SKAP1: variants seen among roughly 807,000 people sequenced by gnomAD.
SKAP1 encodes src kinase associated phosphoprotein 1.
A neutral mutation model predicts 58.5 loss-of-function variants in SKAP1; 44 were observed. The ratio of observed to expected loss-of-function variants is 0.75; its 90% CI spans 0.59 to 0.97. The LOEUF is 0.97. SKAP1 is among the 50% of genes least tolerant of loss of function. The pLI is 0.00. For missense variants in SKAP1, 390 were observed against 435.2 expected (o/e 0.90, Z 0.92); for synonymous variants, 127 against 149.7 (o/e 0.85, Z 1.11).
rs528023477 is a variant in SKAP1, at chr17:48,176,023, T to C, written c.826+4031A>G. Among the ~76,000 whole-genome samples, 7 of 152,250 alleles carry C rather than the reference T, an allele frequency of 4.6e-5. No homozygotes were observed. In the South Asian group the frequency reaches 1.5e-3, roughly 32 times the overall value. ...TCCTTAGACTTCTTATCTTCACTGT[T>C]CCCCCTTCCTGTGGGTCTGAACAAC... On this transcript the variant is annotated intron_variant, in intron 9 of 12. Coordinates refer to ENST00000336915, the MANE Select transcript of SKAP1 (RefSeq NM_003726.4).
intron 11 of SKAP1, among the ~76,000 whole-genome samples, chr17:48,160,717 C>T (rs903639626): frequency 6.6e-6 from 1 of 152,206 alleles, no homozygotes; most frequent in African/African-American, 2.4e-5. Context: ...TGTTCTTCCC[C>T]CCTCCTGCTG....
chr17:48,148,743 G>T (rs1005077779), intron 11 of SKAP1, among the ~76,000 whole-genome samples: 2 of 152,146 alleles, frequency 1.3e-5, no homozygotes, highest in Admixed American at 6.5e-5. Flanking sequence ...TGGGGAGGGG[G>T]TGTTGGGGGA....
At chr17:48,305,925 C>T (rs1360482194) in intron 4 of SKAP1, among the ~76,000 whole-genome samples, 1 of 152,030 alleles carries the variant, frequency 6.6e-6, no homozygotes, top group African/African-American at 2.4e-5. Context: ...TTTAAACTAC[C>T]TCATGGGCTC....
At chr17:48,411,241 A>G (rs772424267) in intron 1 of SKAP1, among the ~76,000 whole-genome samples, 3 of 151,912 alleles carry the variant, frequency 2.0e-5, no homozygotes, top group East Asian at 3.9e-4. Flanking sequence ...CTCTACCAAA[A>G]ATACAAAAAT....
In SKAP1 at chr17:48,143,110, C is replaced by T. The variant is rs989555727; in HGVS notation, c.979-5773G>A. 4.0e-5 allele frequency among the ~76,000 whole-genome samples: 6 copies of T among 151,178 alleles called. No individual in the cohort carries two copies. The South Asian group carries it at 8.4e-4, about 21-fold the overall frequency. Reference sequence around the variant, plus strand: ...GAGCCACTGTGCCTGACCCACCACACCTCATTTCCTCCCTCTCCCAGGCCA... The same window carrying T: ...GAGCCACTGTGCCTGACCCACCACATCTCATTTCCTCCCTCTCCCAGGCCA... On this transcript the variant is annotated intron_variant, in intron 11 of 12. Coordinates refer to ENST00000336915, the MANE Select transcript of SKAP1 (RefSeq NM_003726.4).
At chr17:48,288,534 A>G (rs1015166156) in intron 4 of SKAP1, among the ~76,000 whole-genome samples, 12 of 152,156 alleles carry the variant, frequency 7.9e-5, no homozygotes, top group Admixed American at 3.9e-4. Context: ...AAAAACACAA[A>G]AATTAGCCGG....
intron 4 of SKAP1, among the ~76,000 whole-genome samples, chr17:48,231,545 TA>T (rs11408797): frequency 1.3e-5 from 2 of 149,136 alleles, no homozygotes. Flanking sequence ...AATGAGTTAA[TA>T]AAAAAAAAAG....
intron 4 of SKAP1, chr17:48,344,183 A>T (rs914889527): frequency 3.2e-5 from 11 of 343,828 alleles, no homozygotes; most frequent in African/African-American, 1.3e-4. Context: ...ACTGCTATTT[A>T]AAAAAAATTA....
intron 4 of SKAP1, among the ~76,000 whole-genome samples, chr17:48,287,256 A>G (rs1273875577): frequency 2.0e-5 from 3 of 152,110 alleles, no homozygotes; most frequent in Non-Finnish European, 4.4e-5. Context: ...TTCATTACCT[A>G]TAGTCAGCAA....
At chr17:48,144,317 C>T (rs745495668) in intron 11 of SKAP1, among the ~76,000 whole-genome samples, 2 of 152,142 alleles carry the variant, frequency 1.3e-5, no homozygotes, top group Non-Finnish European at 2.9e-5. Flanking sequence ...ACCTTCTCTC[C>T]CACTACCACC....
intron 1 of SKAP1, among the ~76,000 whole-genome samples, chr17:48,405,435 T>C (rs1323057961): frequency 1.2e-5 from 1 of 85,336 alleles, no homozygotes; most frequent in Non-Finnish European, 2.4e-5. Context: ...CTTTCTTTCT[T>C]TCTTTCTTTC....
At chr17:48,317,391 G>A (rs990608868) in intron 4 of SKAP1, among the ~76,000 whole-genome samples, 8 of 151,976 alleles carry the variant, frequency 5.3e-5, no homozygotes, top group East Asian at 1.9e-4. Flanking sequence ...GGCATTAAAC[G>A]TTTTAAAAAT....
At chr17:48,276,731 G>A (rs916592657) in intron 4 of SKAP1, among the ~76,000 whole-genome samples, 4 of 152,202 alleles carry the variant, frequency 2.6e-5, no homozygotes, top group Non-Finnish European at 5.9e-5. Context: ...AGGAAGCAGA[G>A]TGTAATGTTC....
intron 2 of SKAP1, among the ~76,000 whole-genome samples, chr17:48,388,297 G>A (rs984442877): frequency 6.6e-6 from 1 of 152,026 alleles, no homozygotes; most frequent in Non-Finnish European, 1.5e-5. Context: ...AGCCGGGCAT[G>A]GTGGCATGTG....
At chr17:48,227,383 G>C (rs2065081949) in intron 4 of SKAP1, among the ~76,000 whole-genome samples, 1 of 152,132 alleles carries the variant, frequency 6.6e-6, no homozygotes, top group South Asian at 2.1e-4. Flanking sequence ...TGAGTTCATG[G>C]CTCCTTCTCT....
chr17:48,148,632 C>A (rs116965561), intron 11 of SKAP1, among the ~76,000 whole-genome samples: 486 of 152,270 alleles, frequency 3.2e-3, no homozygotes, highest in Non-Finnish European at 5.1e-3. Context: ...CTGAGAGAGG[C>A]GCCTTGAATC....
intron 11 of SKAP1, among the ~76,000 whole-genome samples, chr17:48,161,941 TTTTTA>T (rs2064075531): frequency 6.6e-6 from 1 of 152,030 alleles, no homozygotes; most frequent in Non-Finnish European, 1.5e-5. Context: ...TTTATTGCAT[TTTTTA>T]TTTTATTATT....
At chr17:48,291,303 G>A (rs1438987724) in intron 4 of SKAP1, among the ~76,000 whole-genome samples, 1 of 151,916 alleles carries the variant, frequency 6.6e-6, no homozygotes, top group Non-Finnish European at 1.5e-5. Flanking sequence ...GAATTTTGGG[G>A]CCACTGGTGC....
intron 3 of SKAP1, among the ~76,000 whole-genome samples, chr17:48,346,928 T>C (rs1444889835): frequency 1.3e-5 from 2 of 152,210 alleles, no homozygotes; most frequent in Non-Finnish European, 2.9e-5. Context: ...CTAAAAGCCC[T>C]AAGAAGATAA....
Sources: allele counts gnomAD v4.1 joint callset (sites outside exome capture counted in the v4.1 genomes callset), GRCh38; gene constraint gnomAD v4.1.1; transcripts MANE v1.5; gene names NCBI Gene and HGNC (gene_info 2026-07-23, HGNC 2026-07-21).